The following DNAJB5 variants were observed in gnomAD, a reference collection of about 807,000 sequenced individuals.
The protein encoded by DNAJB5 is DnaJ heat shock protein family (Hsp40) member B5, also known as dnaJ homolog subfamily B member 5.
DNAJB5 carries 12 observed loss-of-function variants against 32.6 expected under a neutral mutation model. That is an observed-to-expected ratio of 0.37 (90% confidence interval 0.24 to 0.60). The LOEUF is 0.60. Ranked by LOEUF, DNAJB5 falls within the 20% of genes least tolerant of loss-of-function variation. DNAJB5 has a pLI of 0.71. For synonymous variants in DNAJB5, 188 were observed against 212.9 expected (o/e 0.88, Z 1.02); for missense variants, 358 against 554.2 (o/e 0.65, Z 3.55).
Position 34,996,581 on chromosome 9 carries a change from G to T in DNAJB5, c.744G>T (p.Arg248=), listed in dbSNP as rs778096957. The T allele has an allele frequency of 2.5e-6, 4 of 1,614,042 alleles. No homozygotes were observed. Among genetic ancestry groups the T allele is most frequent in the Non-Finnish European group, 2.5e-6 (3 of 1,180,006 alleles). ...ACCCCCCAGTGGTGCACGAGCTGCG[G>T]GTGTCCCTGGAGGAGATCTACCATG... The part of the protein sequence containing the change: ...VQDPPVVHEL[R]VSLEEIYHGS... Residue 248 remains arginine, a synonymous_variant, in exon 4 of 5, where the codon CGG becomes CGT. Coordinates refer to ENST00000682809, the MANE Select transcript of DNAJB5 (RefSeq NM_001349723.3). This position sits in a 1 kb window ranked among gnomAD's most constrained non-coding sequence, Gnocchi z 7.2.
Position 34,993,034 on chromosome 9 carries a change from C to A in DNAJB5, c.183-166C>A, listed in dbSNP as rs1827696217. 1 of 1,434,686 alleles carries A rather than the reference C, an allele frequency of 7.0e-7. No homozygotes were observed. Among genetic ancestry groups the A allele is most frequent in the South Asian group, 1.5e-5 (1 of 65,260 alleles). 88.9% of individuals were successfully genotyped at this position (1,434,686 alleles called of 1,614,324 possible). The stretch of plus-strand genomic sequence containing the variant: ...CTAGAATGTCAGAGCCAGAAGAGAT[C>A]ATCTAGTCCAAACCTTTCATTTTAC... On this transcript the variant is annotated intron_variant, in intron 2 of 4. Coordinates refer to ENST00000682809, the MANE Select transcript of DNAJB5 (RefSeq NM_001349723.3). The surrounding 1 kb of genome is among the most constrained non-coding windows in gnomAD (Gnocchi z 4.7).
At chr9:34,989,950 G>A (rs1277575652) in intron 1 of DNAJB5, 119 bp downstream of exon 1, 2 of 1,184,564 alleles carry the variant, frequency 1.7e-6, no homozygotes, top group African/African-American at 1.6e-5. Flanking sequence ...TTGGGGATGC[G>A]GGGCCCCGGG....
chr9:34,993,997 C>A lies in DNAJB5; in HGVS notation c.427+553C>A, dbSNP rs972172138. 2.0e-5 allele frequency among the ~76,000 whole-genome samples: 3 copies of A among 152,206 alleles called. No homozygotes were observed. Among genetic ancestry groups the A allele is most frequent in the Admixed American group, 2.0e-4 (3 of 15,288 alleles). On this transcript the variant is annotated intron_variant, in intron 3 of 4. Transcript: ENST00000682809. This position sits in a 1 kb window ranked among gnomAD's most constrained non-coding sequence, Gnocchi z 4.7. ...GGATCCAAGGGTGGACGGGGAACTGCTGCTGGCATCTTCCCCCTTCCCTGG... is the reference window on the plus strand; with the variant it reads ...GGATCCAAGGGTGGACGGGGAACTGATGCTGGCATCTTCCCCCTTCCCTGG...
chr9:34,990,414 C>T lies in DNAJB5; in HGVS notation c.-132-85C>T, dbSNP rs1309262766. 6.5e-7 allele frequency: 1 copy of T among 1,529,376 alleles called. No individual in the cohort carries two copies. The highest frequency in any genetic ancestry group is 1.4e-5 in the African/African-American group (1 of 72,892). 94.7% of individuals were successfully genotyped at this position (1,529,376 alleles called of 1,614,324 possible). A position where few individuals can be genotyped will look rare whatever the true frequency, so the allele number is the denominator to read the frequency against. Reference sequence around the variant, plus strand: ...GCCTCACTGACACGCTGCCATACAGCCGCTCACAGCCAGCCAGACACTGCT... The same window carrying T: ...GCCTCACTGACACGCTGCCATACAGTCGCTCACAGCCAGCCAGACACTGCT... On this transcript the variant is annotated intron_variant, in intron 1 of 4. Coordinates refer to ENST00000682809, the MANE Select transcript of DNAJB5 (RefSeq NM_001349723.3). The surrounding 1 kb of genome is among the most constrained non-coding windows in gnomAD (Gnocchi z 4.5).
rs756744789 is a variant in DNAJB5 at position 34,993,181 on chromosome 9, G to T, written c.183-19G>T. 14 of 1,602,830 alleles carry T rather than the reference G, an allele frequency of 8.7e-6. No individual in the cohort carries two copies. In the East Asian group the frequency reaches 8.9e-5, roughly 10 times the overall value. On this transcript the variant is annotated intron_variant, in intron 2 of 4. Transcript: ENST00000682809. The surrounding 1 kb of genome is among the most constrained non-coding windows in gnomAD (Gnocchi z 4.7). ...GGCAGAAGAGAAGGCATCAAGTCTT[G>T]GCCCTGGGTTTCTTTCAGAAACAAG...
intron 1 of DNAJB5, 38 bp downstream of exon 1, chr9:34,989,869 C>G: frequency 8.1e-7 from 1 of 1,236,938 alleles, no homozygotes; most frequent in Non-Finnish European, 1.0e-6. Context: ...GTCCCGGGAG[C>G]GGGGCGTCGT....
chr9:34,993,116 A>G lies in DNAJB5; in HGVS notation c.183-84A>G, dbSNP rs1827697822. The G allele has an allele frequency of 6.7e-7, 1 of 1,490,224 alleles. No individual in the cohort carries two copies. Among genetic ancestry groups the G allele is most frequent in the Non-Finnish European group, 8.9e-7 (1 of 1,123,714 alleles). 92.3% of individuals were successfully genotyped at this position (1,490,224 alleles called of 1,614,324 possible). On this transcript the variant is annotated intron_variant, in intron 2 of 4. Transcript: ENST00000682809. This position sits in a 1 kb window ranked among gnomAD's most constrained non-coding sequence, Gnocchi z 4.7. ...ATGACCTGCTGAAGGTTACCCAGGG[A>G]GTCATTTAGGGATTGCAAGATCATC...
At chr9:34,994,248 C>T (rs1827733322) in intron 3 of DNAJB5, among the ~76,000 whole-genome samples, 1 of 152,242 alleles carries the variant, frequency 6.6e-6, no homozygotes, top group Non-Finnish European at 1.5e-5. Context: ...TCCTCCCCAA[C>T]AGAATCCACC....
chr9:34,991,923 C>G lies in DNAJB5; in HGVS notation c.182+1111C>G, dbSNP rs916631407. 5.0e-5 allele frequency: 8 copies of G among 161,492 alleles called. No homozygotes were observed. The South Asian group carries it at 1.1e-3, about 23-fold the overall frequency. 10.0% of individuals were successfully genotyped at this position (161,492 alleles called of 1,614,324 possible). On this transcript the variant is annotated intron_variant, in intron 2 of 4. Transcript: ENST00000682809. Reference sequence around the variant, plus strand: ...GGGCCTTGGGCGCCTCCCCCTTACCCGGTTACAGGCCTCACTCCTGGAAGG... The same window carrying G: ...GGGCCTTGGGCGCCTCCCCCTTACCGGGTTACAGGCCTCACTCCTGGAAGG...
Position 34,998,085 on chromosome 9 carries a change from AAG to A in DNAJB5, c.*830_*831del, listed in dbSNP as rs1420033494. The A allele has an allele frequency of 6.5e-6, 1 of 152,730 alleles. No individual in the cohort carries two copies. Among genetic ancestry groups the A allele is most frequent in the African/African-American group, 2.4e-5 (1 of 41,412 alleles). The allele number at this position is 152,730 out of a possible 1,614,324, so 9.5% of individuals were successfully genotyped here. On this transcript the variant is annotated 3_prime_UTR_variant, in exon 5 of 5. Transcript: ENST00000682809. Reference sequence around the variant, plus strand: ...GGTCAGGTGGCAGCTATTCCCCACCAAGAGATTCAGGGTCACAGGTTTTTCCC... The same window carrying A: ...GGTCAGGTGGCAGCTATTCCCCACCAAGATTCAGGGTCACAGGTTTTTCCC...
intron 2 of DNAJB5, chr9:34,992,884 C>T (rs1461551024): frequency 8.3e-7 from 1 of 1,200,522 alleles, no homozygotes; most frequent in African/African-American, 1.6e-5. Context: ...CCTCGCTCAG[C>T]AGGGCCTCTC....
intron 2 of DNAJB5, chr9:34,991,107 G>A (rs1299362986): frequency 8.5e-6 from 4 of 467,942 alleles, no homozygotes; most frequent in African/African-American, 4.0e-5. Context: ...ATTTCCATCT[G>A]TCACTCATCC....
chr9:34,992,877 C>T (rs1347824457), intron 2 of DNAJB5: 20 of 1,185,402 alleles, frequency 1.7e-5, no homozygotes, highest in South Asian at 4.2e-5. Flanking sequence ...GGTGCCACCT[C>T]GCTCAGCAGG....
chr9:34,996,910 G>A lies in DNAJB5; in HGVS notation c.1029+44G>A, dbSNP rs375931814. 3 of 1,586,600 alleles carry A rather than the reference G, an allele frequency of 1.9e-6. No homozygotes were observed. The highest frequency in any genetic ancestry group is 2.3e-5 in the South Asian group (2 of 87,252). ...GTGTGTGTGTGCTGGGGAGATGGTGGGGACATTCCCTCTCTTCCCGCCAGC... is the reference window on the plus strand; with the variant it reads ...GTGTGTGTGTGCTGGGGAGATGGTGAGGACATTCCCTCTCTTCCCGCCAGC... On this transcript the variant is annotated intron_variant, in intron 4 of 4. Transcript: ENST00000682809. The surrounding 1 kb of genome is among the most constrained non-coding windows in gnomAD (Gnocchi z 7.2).
chr9:34,990,446 G>A lies in DNAJB5; in HGVS notation c.-132-53G>A. Reference sequence around the variant, plus strand: ...CAGCCAGCCAGACACTGCTGCACCTGAGAGCAGGTGGCCGCGGGTCTTCTC... The same window carrying A: ...CAGCCAGCCAGACACTGCTGCACCTAAGAGCAGGTGGCCGCGGGTCTTCTC... On this transcript the variant is annotated intron_variant, in intron 1 of 4. Coordinates refer to ENST00000682809, the MANE Select transcript of DNAJB5 (RefSeq NM_001349723.3). This position sits in a 1 kb window ranked among gnomAD's most constrained non-coding sequence, Gnocchi z 4.5. 6.5e-7 allele frequency: 1 copy of A among 1,534,154 alleles called. No individual in the cohort carries two copies. Among genetic ancestry groups the A allele is most frequent in the Non-Finnish European group, 8.7e-7 (1 of 1,145,964 alleles).
chr9:34,991,043 ACT>A (rs1300924436), intron 2 of DNAJB5: 1 of 570,068 alleles, frequency 1.8e-6, no homozygotes, highest in African/African-American at 1.9e-5. Context: ...CATTATTTCA[ACT>A]CTCCACATTC....
In DNAJB5 at chr9:34,997,455, G is replaced by A. The variant is rs1246266805; in HGVS notation, c.*196G>A. Reference sequence around the variant, plus strand: ...GGCTGCCTGGGGGGAGTGGGAGGGAGGTGGGGAGAGCTAGCCCAGGCCAGG... The same window carrying A: ...GGCTGCCTGGGGGGAGTGGGAGGGAAGTGGGGAGAGCTAGCCCAGGCCAGG... On this transcript the variant is annotated 3_prime_UTR_variant, in exon 5 of 5. Coordinates refer to ENST00000682809, the MANE Select transcript of DNAJB5 (RefSeq NM_001349723.3). This position sits in a 1 kb window ranked among gnomAD's most constrained non-coding sequence, Gnocchi z 4.1. 1.4e-6 allele frequency: 1 copy of A among 714,034 alleles called. No individual in the cohort carries two copies. The highest frequency in any genetic ancestry group is 2.5e-6 in the Non-Finnish European group (1 of 397,988). The allele number at this position is 714,034 out of a possible 1,614,324, so 44.2% of individuals were successfully genotyped here.
Position 34,996,924 on chromosome 9 carries a change from C to T in DNAJB5, c.1029+58C>T, listed in dbSNP as rs995975723. 2.0e-5 allele frequency: 31 copies of T among 1,585,204 alleles called. No homozygotes were observed. The East Asian group carries it at 6.9e-4, about 35-fold the overall frequency. On this transcript the variant is annotated intron_variant, in intron 4 of 4. Transcript: ENST00000682809. The surrounding 1 kb of genome is among the most constrained non-coding windows in gnomAD (Gnocchi z 7.2). Reference sequence around the variant, plus strand: ...GGGAGATGGTGGGGACATTCCCTCTCTTCCCGCCAGCTGGCACATTCTTTC... The same window carrying T: ...GGGAGATGGTGGGGACATTCCCTCTTTTCCCGCCAGCTGGCACATTCTTTC...
rs1827855881 is a variant in DNAJB5, at chr9:34,998,152, C to T, written c.*893C>T. ...CAGGGCCTAGCCACCCCCAAACTTCCAAATCCCACTTTTGTGATATGTGAA... is the reference window on the plus strand; with the variant it reads ...CAGGGCCTAGCCACCCCCAAACTTCTAAATCCCACTTTTGTGATATGTGAA... On this transcript the variant is annotated 3_prime_UTR_variant, in exon 5 of 5. Coordinates refer to ENST00000682809, the MANE Select transcript of DNAJB5 (RefSeq NM_001349723.3). 1 of 152,540 alleles carries T rather than the reference C, an allele frequency of 6.6e-6. No individual in the cohort carries two copies. The allele number at this position is 152,540 out of a possible 1,614,324, so 9.4% of individuals were successfully genotyped here. A position where few individuals can be genotyped will look rare whatever the true frequency, so the allele number is the denominator to read the frequency against.
Sources: allele counts gnomAD v4.1 joint callset (sites outside exome capture counted in the v4.1 genomes callset), GRCh38; gene constraint gnomAD v4.1.1; non-coding constraint Gnocchi (gnomAD v3.1); transcripts MANE v1.5; gene names NCBI Gene and HGNC (gene_info 2026-07-23, HGNC 2026-07-21).